Variants in ADAM2 observed in about 807,000 individuals in gnomAD.
The protein encoded by ADAM2 is ADAM metallopeptidase domain 2.
ADAM2 carries 101 observed loss-of-function variants against 99.3 expected under a neutral mutation model. That is an observed-to-expected ratio of 1.02 (90% CI 0.87 to 1.20). The LOEUF (loss-of-function observed/expected upper bound fraction) is 1.20, where lower values mean the gene tolerates loss of function less well. Ranked by LOEUF, ADAM2 falls within the 50% of genes most tolerant of loss-of-function variation. The pLI is 0.00. For missense variants in ADAM2, 948 were observed against 878.7 expected (o/e 1.08, Z -1.00); for synonymous variants, 323 against 287.6 (o/e 1.12, Z -1.25).
At chr8:39,774,391 T>A (rs1048343529) in intron 11 of ADAM2, among the ~76,000 whole-genome samples, 1 of 152,030 alleles carries the variant, frequency 6.6e-6, no homozygotes, top group Non-Finnish European at 1.5e-5. Context: ...TATAATTACA[T>A]GTGAATACAA....
intron 16 of ADAM2, among the ~76,000 whole-genome samples, chr8:39,753,328 A>AT (rs1802022821): frequency 6.6e-6 from 1 of 152,064 alleles, no homozygotes; most frequent in African/African-American, 2.4e-5. Context: ...TTGAGAGATG[A>AT]TTTAGGCTAC....
At chr8:39,825,576 A>T (rs1221457734) in intron 3 of ADAM2, among the ~76,000 whole-genome samples, 1 of 152,094 alleles carries the variant, frequency 6.6e-6, no homozygotes, top group African/African-American at 2.4e-5. Context: ...ATGTAAATCA[A>T]GTAGGATAAA....
chr8:39,831,100 T>C (rs1196370535), intron 3 of ADAM2, among the ~76,000 whole-genome samples: 1 of 152,200 alleles, frequency 6.6e-6, no homozygotes, highest in Admixed American at 6.5e-5. Context: ...AATAAATCTC[T>C]GTTATTTGTA....
At chr8:39,798,624 C>A (rs1173456954) in intron 7 of ADAM2, among the ~76,000 whole-genome samples, 1 of 152,106 alleles carries the variant, frequency 6.6e-6, no homozygotes, top group Non-Finnish European at 1.5e-5. Context: ...GTACCAGCTC[C>A]TCTTTGTATT....
chr8:39,809,425 T>G lies in ADAM2; in HGVS notation c.555A>C (p.Ile185=). 1 of 1,369,780 alleles carries G rather than the reference T, an allele frequency of 7.3e-7. No homozygotes were observed. Among genetic ancestry groups the G allele is most frequent in the Non-Finnish European group, 1.0e-6 (1 of 972,374 alleles). The allele number at this position is 1,369,780 out of a possible 1,614,324, so 84.9% of individuals were successfully genotyped here. A position where few individuals can be genotyped will look rare whatever the true frequency, so the allele number is the denominator to read the frequency against. Residue 185 remains isoleucine (I), a synonymous_variant, in exon 7 of 21, where the codon ATA becomes ATC. Coordinates refer to ENST00000265708, the MANE Select transcript of ADAM2 (RefSeq NM_001464.5). ...ATATACTTACCAATTGTTTTTCAAC[T>G]ATAACATGCATTTCTATATACTTTG... ...DFAKYIEMHV[I]VEKQLYNHMG...
intron 6 of ADAM2, among the ~76,000 whole-genome samples, chr8:39,816,178 T>C (rs1349831994): frequency 1.3e-5 from 2 of 152,238 alleles, no homozygotes; most frequent in Admixed American, 6.5e-5. Context: ...GCACCTCTAA[T>C]ACCAGCTACT....
At chr8:39,814,531 G>A (rs1048002102) in intron 6 of ADAM2, among the ~76,000 whole-genome samples, 3 of 152,056 alleles carry the variant, frequency 2.0e-5, no homozygotes, top group African/African-American at 7.2e-5. Flanking sequence ...AAATATCAGA[G>A]AACTCACAGT....
intron 15 of ADAM2, among the ~76,000 whole-genome samples, chr8:39,760,880 C>T (rs1391829650): frequency 1.5e-5 from 1 of 66,386 alleles, no homozygotes; most frequent in Non-Finnish European, 2.5e-5. Flanking sequence ...GAGACTCCAT[C>T]TCAAAAAAAA....
chr8:39,788,121 A>C lies in ADAM2; in HGVS notation c.773T>G (p.Leu258Arg). The change falls in exon 9 of 21, where the codon CTT becomes CGT. Residue 258 changes from leucine to arginine, a missense_variant. Transcript: ENST00000265708. ...TGCCACATCATGAGGACGTAAAACA[A>C]GATAAGATGTTTTCCATCTTAAAAA... is the stretch of plus-strand genomic sequence containing the variant. ...HTFLRWKTSY[L>R]VLRPHDVAFL... 6.4e-7 allele frequency: 1 copy of C among 1,564,812 alleles called. No individual in the cohort carries two copies. Among genetic ancestry groups the C allele is most frequent in the South Asian group, 1.2e-5 (1 of 81,246 alleles).
Position 39,809,440 on chromosome 8 carries a change from T to C in ADAM2, c.540A>G (p.Ile180Met), listed in dbSNP as rs1804600571. Residue 180 changes from isoleucine (I) to methionine (M), a missense_variant, in exon 7 of 21, where the codon ATA (isoleucine) becomes ATG (methionine). By Grantham distance (10) the Ile-to-Met change is conservative. Coordinates refer to ENST00000265708, the MANE Select transcript of ADAM2 (RefSeq NM_001464.5). ...VEPQQDFAKY[I>M]EMHVIVEKQL... ...GTTTTTCAACTATAACATGCATTTC[T>C]ATATACTTTGCAAAATCTTGCTGTG... 1 of 1,419,288 alleles carries C rather than the reference T, an allele frequency of 7.0e-7. No homozygotes were observed. The highest frequency in any genetic ancestry group is 2.4e-5 in the East Asian group (1 of 42,416). 87.9% of individuals were successfully genotyped at this position (1,419,288 alleles called of 1,614,324 possible). A position where few individuals can be genotyped will look rare whatever the true frequency, so the allele number is the denominator to read the frequency against.
intron 6 of ADAM2, among the ~76,000 whole-genome samples, chr8:39,820,681 T>C (rs1396387053): frequency 6.6e-6 from 1 of 152,136 alleles, no homozygotes; most frequent in African/African-American, 2.4e-5. Flanking sequence ...TTTATGTGGA[T>C]GGCATTTGTG....
intron 7 of ADAM2, among the ~76,000 whole-genome samples, chr8:39,791,276 C>T (rs1445172606): frequency 6.6e-6 from 1 of 151,986 alleles, no homozygotes; most frequent in Non-Finnish European, 1.5e-5. Context: ...TAAGAATGTC[C>T]TCTCTGCTTT....
intron 7 of ADAM2, among the ~76,000 whole-genome samples, chr8:39,804,664 G>A (rs1019490633): frequency 3.3e-5 from 5 of 151,992 alleles, no homozygotes; most frequent in Admixed American, 6.6e-5. Context: ...AAATAGTTAC[G>A]TTGACATTAA....
At chr8:39,820,888 G>T in intron 6 of ADAM2, 114 bp downstream of exon 6, 1 of 589,918 alleles carries the variant, frequency 1.7e-6, no homozygotes, top group Non-Finnish European at 2.9e-6. Flanking sequence ...CATACATGTG[G>T]CTATATGTTT....
chr8:39,818,210 C>A (rs912189757), intron 6 of ADAM2: 1 of 151,922 alleles, frequency 6.6e-6, no homozygotes, highest in African/African-American at 2.4e-5. Context: ...CCCAGCAATA[C>A]ATAAAAAGAA....
In ADAM2 at chr8:39,833,965, T is replaced by A. The variant is rs756968994; in HGVS notation, c.167A>T (p.Tyr56Phe). Residue 56 changes from tyrosine to phenylalanine, a missense_variant, in exon 3 of 21, where the codon TAT becomes TTT. Tyr to Phe is a conservative substitution (Grantham distance 22, BLOSUM62 3). Coordinates refer to ENST00000265708, the MANE Select transcript of ADAM2 (RefSeq NM_001464.5). ...CTACTTTTGCATTAAATTCACAGTA[T>A]ATGGTTTCCCTTCAATTACAATTTT... ...SYKIVIEGKP[Y>F]TVNLMQKNFL... 3 of 1,566,686 alleles carry A rather than the reference T, an allele frequency of 1.9e-6. No homozygotes were observed. The East Asian group carries it at 6.8e-5, about 35-fold the overall frequency.
intron 3 of ADAM2, among the ~76,000 whole-genome samples, chr8:39,828,063 T>C (rs1805480219): frequency 1.3e-5 from 2 of 152,038 alleles, no homozygotes; most frequent in Non-Finnish European, 2.9e-5. Flanking sequence ...TAAAAACACA[T>C]ATAATTTAAA....
At chr8:39,835,909 T>TTAACTCCCATTAACTCCC (rs1805805090) in intron 2 of ADAM2, among the ~76,000 whole-genome samples, 1 of 152,142 alleles carries the variant, frequency 6.6e-6, no homozygotes, top group South Asian at 2.1e-4. Context: ...CTTTAACTCC[T>TTAACTCCCATTAACTCCC]TAACTCCCAT....
intron 7 of ADAM2, among the ~76,000 whole-genome samples, chr8:39,795,230 G>T (rs1398185311): frequency 6.6e-6 from 1 of 152,048 alleles, no homozygotes; most frequent in Non-Finnish European, 1.5e-5. Flanking sequence ...CCAATCATCT[G>T]AATGACCCCT....
Sources: gnomAD v4.1 joint callset for allele counts (sites outside exome capture counted in the v4.1 genomes callset) on GRCh38, gnomAD v4.1.1 for gene constraint, MANE v1.5 for transcripts, NCBI Gene and HGNC (gene_info 2026-07-23, HGNC 2026-07-21) for gene names.